Variants in LRRIQ1 observed in about 807,000 individuals in gnomAD.
LRRIQ1 encodes leucine-rich repeat- and IQ domain-containing protein 1.
A neutral mutation model predicts 211.9 loss-of-function variants in LRRIQ1; 210 were observed. That is an observed-to-expected ratio of 0.99 (90% CI 0.89 to 1.11). The LOEUF is 1.11. LRRIQ1 is among the 50% of genes most tolerant of loss of function. The probability of loss-of-function intolerance (pLI) is 0.00; values close to 1 mark genes in which losing one functional copy is unlikely to be tolerated. For missense variants in LRRIQ1, 2,136 were observed against 1,939.5 expected (o/e 1.10, Z -1.90); for synonymous variants, 699 against 650.1 (o/e 1.08, Z -1.14).
chr12:85,097,736 A>T (rs1886015467), intron 11 of LRRIQ1, among the ~76,000 whole-genome samples: 1 of 152,132 alleles, frequency 6.6e-6, no homozygotes, highest in Non-Finnish European at 1.5e-5. Context: ...TCTTTTTCTC[A>T]TGCTAACTCC....
intron 19 of LRRIQ1, among the ~76,000 whole-genome samples, chr12:85,150,688 A>G (rs1049086702): frequency 6.6e-6 from 1 of 151,584 alleles, no homozygotes; most frequent in African/African-American, 2.4e-5. Context: ...GCCATTTTCA[A>G]CCCTTTTCTT....
At chr12:85,116,396 G>C (rs1345480018) in intron 15 of LRRIQ1, among the ~76,000 whole-genome samples, 1 of 151,954 alleles carries the variant, frequency 6.6e-6, no homozygotes, top group African/African-American at 2.4e-5. Flanking sequence ...CGCCCGCCTC[G>C]GCCTCCCAAA....
At chr12:85,054,744 T>C (rs1403064807) in intron 7 of LRRIQ1, among the ~76,000 whole-genome samples, 1 of 152,030 alleles carries the variant, frequency 6.6e-6, no homozygotes, top group Non-Finnish European at 1.5e-5. Flanking sequence ...AAATATGAGG[T>C]TATTCCTGTT....
intron 7 of LRRIQ1, among the ~76,000 whole-genome samples, chr12:85,054,050 T>C (rs1158565037): frequency 6.6e-6 from 1 of 152,222 alleles, no homozygotes; most frequent in African/African-American, 2.4e-5. Flanking sequence ...GCCTGTGCTA[T>C]CTATGATTGC....
intron 24 of LRRIQ1, among the ~76,000 whole-genome samples, chr12:85,217,706 GTGTGTGTATATATGTATA>G (rs1353973711): frequency 6.1e-4 from 64 of 105,084 alleles, no homozygotes. Flanking sequence ...ATGTATATAT[GTGTGTGTATATATGTATA>G]TATGTGTATA....
chr12:85,039,598 A>G (rs1182170033), intron 2 of LRRIQ1, among the ~76,000 whole-genome samples: 1 of 151,718 alleles, frequency 6.6e-6, no homozygotes, highest in Admixed American at 6.6e-5. Context: ...TCTCAAAACT[A>G]AACACTGAAT....
chr12:85,118,686 G>T (rs957888847), intron 15 of LRRIQ1, among the ~76,000 whole-genome samples: 1 of 151,858 alleles, frequency 6.6e-6, no homozygotes, highest in Non-Finnish European at 1.5e-5. Context: ...ATATACATAT[G>T]CTAAAATTAT....
At chr12:85,159,926 A>ATT (rs1232357286) in intron 23 of LRRIQ1, among the ~76,000 whole-genome samples, 1 of 151,996 alleles carries the variant, frequency 6.6e-6, no homozygotes, top group Non-Finnish European at 1.5e-5. Context: ...ATTGTCCAAC[A>ATT]TTTTCCCTAA....
intron 26 of LRRIQ1, among the ~76,000 whole-genome samples, chr12:85,244,050 A>G (rs567726840): frequency 1.3e-5 from 2 of 151,604 alleles, no homozygotes; most frequent in East Asian, 3.9e-4. Flanking sequence ...ATTTCCCCCT[A>G]TTTCAGAACT....
At chr12:85,264,965 A>C (rs1468827634), downstream of LRRIQ1, among the ~76,000 whole-genome samples, 1 of 152,100 alleles carries the variant, frequency 6.6e-6, no homozygotes, top group Non-Finnish European at 1.5e-5. Flanking sequence ...ATAGCTAATC[A>C]CAAAAAGCTT....
chr12:85,261,787 T>G (rs1896299631), intron 1 of LRRIQ1, among the ~76,000 whole-genome samples: 1 of 148,196 alleles, frequency 6.7e-6, no homozygotes, highest in Non-Finnish European at 1.5e-5. Flanking sequence ...ATTTATTTAT[T>G]TATTTATTTA....
intron 15 of LRRIQ1, among the ~76,000 whole-genome samples, chr12:85,112,880 G>C (rs983159243): frequency 1.3e-5 from 2 of 152,032 alleles, no homozygotes; most frequent in African/African-American, 4.8e-5. Context: ...ATGTCTGGAT[G>C]GCTTTTCTTG....
chr12:85,076,610 T>C, intron 11 of LRRIQ1: 1 of 746,910 alleles, frequency 1.3e-6, no homozygotes, highest in Non-Finnish European at 1.6e-6. Flanking sequence ...ATGAAAGATA[T>C]GGAAATAATT....
chr12:85,046,457 T>C (rs1459370495), intron 5 of LRRIQ1, among the ~76,000 whole-genome samples: 1 of 152,222 alleles, frequency 6.6e-6, no homozygotes, highest in Non-Finnish European at 1.5e-5. Context: ...TATTTTTATA[T>C]TAAGTTTTGT....
At position 85,229,569 on chromosome 12, in the gene LRRIQ1, A is replaced by G; in HGVS notation, c.4875A>G (p.Glu1625=). Residue 1625 remains glutamate, a synonymous_variant, in exon 25 of 27, where the codon GAA becomes GAG. Coordinates refer to ENST00000393217, the MANE Select transcript of LRRIQ1 (RefSeq NM_001079910.2). ...HKDTTANEKL[E]RNREYTYQWL... ...ATACCACTGCAAATGAAAAATTAGA[A>G]CGGAATAGAGAATATACATACCAAT... is the stretch of plus-strand genomic sequence containing the variant. 1 of 1,612,782 alleles carries G rather than the reference A, an allele frequency of 6.2e-7. No individual in the cohort carries two copies. The highest frequency in any genetic ancestry group is 8.5e-7 in the Non-Finnish European group (1 of 1,179,274).
At position 85,128,168 on chromosome 12, in the gene LRRIQ1, G is replaced by A. The variant is rs926388303; in HGVS notation, c.4209+135G>A. 6.9e-5 allele frequency: 53 copies of A among 767,810 alleles called. No individual in the cohort carries two copies. In the African/African-American group the frequency reaches 8.8e-4, roughly 13 times the overall value. The allele number at this position is 767,810 out of a possible 1,614,324, so 47.6% of individuals were successfully genotyped here. ...GATTTATTTCTTATTCAAGTGACAT[G>A]TTGGCTGCAGGTTAGCTGCAGGTTA... On this transcript the variant is annotated intron_variant, in intron 18 of 26. Transcript: ENST00000393217.
intron 24 of LRRIQ1, among the ~76,000 whole-genome samples, chr12:85,222,558 C>G (rs1389589212): frequency 6.6e-6 from 1 of 152,030 alleles, no homozygotes; most frequent in African/African-American, 2.4e-5. Flanking sequence ...GTGCACAGTT[C>G]CAGTGAAAGG....
At chr12:85,055,511 T>C in intron 7 of LRRIQ1, 36 bp from the exon 8 acceptor site, 1 of 1,383,824 alleles carries the variant, frequency 7.2e-7, no homozygotes, top group East Asian at 2.5e-5. Flanking sequence ...TCATGTTTAG[T>C]TTATGCTGAC....
chr12:85,221,259 G>A (rs1383002185), intron 24 of LRRIQ1, among the ~76,000 whole-genome samples: 1 of 152,090 alleles, frequency 6.6e-6, no homozygotes, highest in East Asian at 1.9e-4. Flanking sequence ...TTGTCCACAT[G>A]CTAAAAACAT....
Sources: gnomAD v4.1 joint callset for allele counts (sites outside exome capture counted in the v4.1 genomes callset) on GRCh38, gnomAD v4.1.1 for gene constraint, MANE v1.5 for transcripts, NCBI Gene and HGNC (gene_info 2026-07-23, HGNC 2026-07-21) for gene names.